PLXNA4: variants seen among roughly 807,000 people sequenced by gnomAD.
PLXNA4 encodes the protein plexin-A4.
In PLXNA4, 44 loss-of-function variants were observed where a neutral mutation model predicts 191.8. The ratio of observed to expected loss-of-function variants is 0.23; its 90% CI spans 0.18 to 0.29. PLXNA4 has a LOEUF of 0.29. Among genes scored for constraint, PLXNA4 ranks in the 10% least tolerant of loss-of-function variants. PLXNA4 has a pLI of 1.00. For synonymous variants in PLXNA4, 1,082 were observed against 1,009.5 expected, an observed-to-expected ratio of 1.07 and a Z score of -1.36; for missense variants, 1,800 against 2,488.8, an observed-to-expected ratio of 0.72 and a Z score of 5.89.
chr7:132,283,607 A>AAAAGAG (rs1368651604), intron 4 of PLXNA4, among the ~76,000 whole-genome samples: 6 of 152,224 alleles, frequency 3.9e-5, no homozygotes, highest in African/African-American at 1.4e-4. Context: ...CACACACAAA[A>AAAAGAG]AAAGAGAAAC....
intron 2 of PLXNA4, among the ~76,000 whole-genome samples, chr7:132,496,640 T>C (rs1189837814): frequency 6.6e-6 from 1 of 152,164 alleles, no homozygotes; most frequent in African/African-American, 2.4e-5. Flanking sequence ...GCCCTTGTGA[T>C]CCGTCCACCT....
chr7:132,495,336 C>G (rs1797971392), intron 2 of PLXNA4, among the ~76,000 whole-genome samples: 1 of 152,222 alleles, frequency 6.6e-6, no homozygotes, highest in African/African-American at 2.4e-5. Flanking sequence ...GGTCCATCCC[C>G]CTGTGGGCCA....
rs1795289113 is a variant in PLXNA4 at position 132,142,136 on chromosome 7, G to A, written c.5226-1325C>T. ...CAAAGAGGGAAAAGTGTGCCCTGCA[G>A]TCTGCTATTGTAAGCCTGTTGCTTA... On this transcript the variant is annotated intron_variant, in intron 29 of 31. Transcript: ENST00000321063. Among the ~76,000 whole-genome samples the A allele has an allele frequency of 2.0e-5, 3 of 152,250 alleles. No homozygotes were observed. In the South Asian group the frequency reaches 6.2e-4, roughly 32 times the overall value.
chr7:132,403,096 C>G (rs1794062742), intron 3 of PLXNA4, among the ~76,000 whole-genome samples: 1 of 152,236 alleles, frequency 6.6e-6, no homozygotes, highest in African/African-American at 2.4e-5. Context: ...GCAGCCACTT[C>G]CATGCCAACA....
upstream of PLXNA4, among the ~76,000 whole-genome samples, chr7:132,578,568 T>C (rs1802341085): frequency 6.6e-6 from 1 of 152,110 alleles, no homozygotes. Context: ...GGGGAGCCTT[T>C]GAAAGGAGCT....
intron 1 of PLXNA4, among the ~76,000 whole-genome samples, chr7:132,521,020 TG>T (rs1008350327): frequency 2.6e-5 from 4 of 152,106 alleles, no homozygotes; most frequent in Non-Finnish European, 5.9e-5. Flanking sequence ...AGTGAACAGT[TG>T]TCTCCCTTGC....
At chr7:132,537,260 T>C (rs1196503893) in intron 1 of PLXNA4, among the ~76,000 whole-genome samples, 3 of 152,230 alleles carry the variant, frequency 2.0e-5, no homozygotes, top group Non-Finnish European at 2.9e-5. Context: ...CCTTTTCGTG[T>C]GCACCAGACT....
intron 4 of PLXNA4, among the ~76,000 whole-genome samples, chr7:132,263,862 G>A (rs1799746036): frequency 6.6e-6 from 1 of 152,184 alleles, no homozygotes; most frequent in Non-Finnish European, 1.5e-5. Flanking sequence ...TTGGGAAATA[G>A]CAAGTACTAA....
At chr7:132,288,177 T>G (rs1800754235) in intron 4 of PLXNA4, among the ~76,000 whole-genome samples, 1 of 152,196 alleles carries the variant, frequency 6.6e-6, no homozygotes, top group Admixed American at 6.5e-5. Flanking sequence ...CTCCCTCCTC[T>G]GTGCTTCAGT....
chr7:132,371,393 C>T (rs1002572267), intron 3 of PLXNA4, among the ~76,000 whole-genome samples: 2 of 152,180 alleles, frequency 1.3e-5, no homozygotes, highest in Middle Eastern at 3.2e-3. Context: ...CTCTAACTTT[C>T]GGTATCTTAC....
At chr7:132,416,984 C>A (rs917940638) in intron 3 of PLXNA4, among the ~76,000 whole-genome samples, 3 of 151,594 alleles carry the variant, frequency 2.0e-5, no homozygotes, top group African/African-American at 7.3e-5. Flanking sequence ...ATTTCAGATT[C>A]TAGTTAAAAA....
At chr7:132,409,597 G>C (rs1221799804) in intron 3 of PLXNA4, among the ~76,000 whole-genome samples, 1 of 152,002 alleles carries the variant, frequency 6.6e-6, no homozygotes, top group Non-Finnish European at 1.5e-5. Context: ...TGGATGAGGG[G>C]GTTAATTGGA....
At chr7:132,522,271 T>C (rs906877492) in intron 1 of PLXNA4, among the ~76,000 whole-genome samples, 2 of 152,336 alleles carry the variant, frequency 1.3e-5, no homozygotes, top group African/African-American at 4.8e-5. Flanking sequence ...CTCTCATTGG[T>C]GGAATGCTTT....
intron 9 of PLXNA4, among the ~76,000 whole-genome samples, chr7:132,215,600 G>A (rs528953706): frequency 6.6e-6 from 1 of 152,042 alleles, no homozygotes; most frequent in African/African-American, 2.4e-5. Context: ...TGTTGCCAGA[G>A]GATCCACACA....
intron 13 of PLXNA4, among the ~76,000 whole-genome samples, chr7:132,195,632 G>GA (rs147479866): frequency 0.01 from 1,531 of 152,248 alleles, 23 homozygotes; most frequent in African/African-American, 0.034. Context: ...TATAATGGGG[G>GA]AAAAAATCTC....
At chr7:132,612,736 A>G (rs1018317208) in intron 2 of PLXNA4, among the ~76,000 whole-genome samples, 9 of 151,822 alleles carry the variant, frequency 5.9e-5, no homozygotes, top group Non-Finnish European at 1.3e-4. Flanking sequence ...TTTTGTGCAA[A>G]TAATTCTTTA....
chr7:132,604,876 C>T (rs1050221207), intron 2 of PLXNA4, among the ~76,000 whole-genome samples: 1 of 152,198 alleles, frequency 6.6e-6, no homozygotes. Flanking sequence ...CTGACCCTAG[C>T]CACAGCCTCT....
chr7:132,253,078 C>T (rs1799310601), intron 4 of PLXNA4, among the ~76,000 whole-genome samples: 1 of 152,064 alleles, frequency 6.6e-6, no homozygotes, highest in Non-Finnish European at 1.5e-5. Context: ...CAGTGGTTAA[C>T]TTTGGAGAGT....
At chr7:132,188,848 G>T (rs1472791950) in intron 14 of PLXNA4, among the ~76,000 whole-genome samples, 1 of 151,564 alleles carries the variant, frequency 6.6e-6, no homozygotes, top group Non-Finnish European at 1.5e-5. Flanking sequence ...CCAAAAAGTG[G>T]TGATCTTCAA....
Sources: allele counts gnomAD v4.1 joint callset (sites outside exome capture counted in the v4.1 genomes callset), GRCh38; gene constraint gnomAD v4.1.1; transcripts MANE v1.5; gene names NCBI Gene and HGNC (gene_info 2026-07-23, HGNC 2026-07-21).